COL5A1: variants seen among roughly 807,000 people sequenced by gnomAD.
COL5A1 encodes collagen type V alpha 1 chain.
COL5A1 carries 16 observed loss-of-function variants against 263.7 expected under a neutral mutation model. The ratio of observed to expected loss-of-function variants is 0.06; its 90% CI spans 0.04 to 0.09. COL5A1 has a LOEUF of 0.09. Ranked by LOEUF, COL5A1 falls within the 10% of genes least tolerant of loss-of-function variation. COL5A1 has a pLI of 1.00. For missense variants in COL5A1, 2,036 were observed against 2,540.5 expected (o/e 0.80, Z 4.27); for synonymous variants, 1,012 against 1,004.5 (o/e 1.01, Z -0.14).
At chr9:134,649,996 G>C (rs564566435) in intron 1 of COL5A1, among the ~76,000 whole-genome samples, 9 of 150,564 alleles carry the variant, frequency 6.0e-5, no homozygotes, top group Non-Finnish European at 1.3e-4. Flanking sequence ...GAGAACACAC[G>C]GACACAGGGA....
intron 11 of COL5A1, among the ~76,000 whole-genome samples, chr9:134,743,031 G>A (rs758498223): frequency 6.6e-5 from 10 of 152,270 alleles, no homozygotes; most frequent in Middle Eastern, 6.8e-3. Context: ...GCTTGTGAGC[G>A]CCCCCTACAT....
rs1830133106 is a variant in COL5A1 at position 134,842,381 on chromosome 9, C to A, written c.*78C>A. Reference sequence around the variant, plus strand: ...TCGTTCGTGAGTGTCCCGTGCACGTCCTGACCCTGGACAGTGAAGGCTTCT... The same window carrying A: ...TCGTTCGTGAGTGTCCCGTGCACGTACTGACCCTGGACAGTGAAGGCTTCT... On this transcript the variant is annotated 3_prime_UTR_variant, in exon 66 of 66. Coordinates refer to ENST00000371817, the MANE Select transcript of COL5A1 (RefSeq NM_000093.5). The surrounding 1 kb of genome is among the most constrained non-coding windows in gnomAD (Gnocchi z 5.8). 1 of 1,557,124 alleles carries A rather than the reference C, an allele frequency of 6.4e-7. No homozygotes were observed. The highest frequency in any genetic ancestry group is 1.4e-5 in the African/African-American group (1 of 74,010).
chr9:134,813,867 C>G, intron 48 of COL5A1, 116 bp from the exon 49 acceptor site: 1 of 1,133,426 alleles, frequency 8.8e-7, no homozygotes, highest in Non-Finnish European at 1.3e-6. Context: ...ACCCCTGGGT[C>G]CTGGGTGCCC....
chr9:134,795,453 T>G, intron 34 of COL5A1, 138 bp downstream of exon 34: 1 of 747,826 alleles, frequency 1.3e-6, no homozygotes, highest in Non-Finnish European at 2.1e-6. Context: ...TAGGTGTGTT[T>G]AAGAAGCTTG....
At chr9:134,744,637 C>A (rs1032128834) in intron 11 of COL5A1, among the ~76,000 whole-genome samples, 2 of 141,590 alleles carry the variant, frequency 1.4e-5, no homozygotes, top group East Asian at 4.3e-4. Flanking sequence ...ACACACTCAC[C>A]CAGACATGCA....
intron 4 of COL5A1, among the ~76,000 whole-genome samples, chr9:134,714,837 G>C (rs1447858298): frequency 6.2e-5 from 9 of 145,180 alleles, no homozygotes; most frequent in Admixed American, 1.4e-4. Context: ...TGGTGGTGGT[G>C]GTGATGCTGG....
intron 1 of COL5A1, among the ~76,000 whole-genome samples, chr9:134,665,399 G>T (rs1832326224): frequency 6.6e-6 from 1 of 152,188 alleles, no homozygotes; most frequent in Non-Finnish European, 1.5e-5. Context: ...ATTTGCTGAG[G>T]TACACCAATC....
intron 13 of COL5A1, among the ~76,000 whole-genome samples, chr9:134,752,168 C>T (rs1278042843): frequency 6.6e-6 from 1 of 152,294 alleles, no homozygotes; most frequent in Admixed American, 6.5e-5. Flanking sequence ...GAAGCGCCTC[C>T]CATGTGAAAT....
chr9:134,784,953 G>T (rs759186848), intron 29 of COL5A1, 36 bp from the exon 30 acceptor site: 4 of 1,472,806 alleles, frequency 2.7e-6, no homozygotes, highest in Non-Finnish European at 3.8e-6. Context: ...TGTGTGCGGG[G>T]GGTGGTCTTC....
intron 36 of COL5A1, among the ~76,000 whole-genome samples, chr9:134,797,841 T>A (rs1837967907): frequency 6.6e-6 from 1 of 152,126 alleles, no homozygotes; most frequent in South Asian, 2.1e-4. Context: ...CCCACACCCA[T>A]CTAGGTTGGC....
rs755947373 is a variant in COL5A1, at chr9:134,732,072, T to C, written c.1334T>C (p.Ile445Thr). 6.2e-7 allele frequency: 1 copy of C among 1,614,104 alleles called. No individual in the cohort carries two copies. The highest frequency in any genetic ancestry group is 1.3e-5 in the African/African-American group (1 of 75,044). The change falls in exon 9 of 66, where the codon ATT becomes ACT. Residue 445 changes from isoleucine (I) to threonine (T), a missense_variant and splice_region_variant. Around this residue, in one of 3 missense-constraint regions of COL5A1, gnomAD observed 600 missense variants for 634.5 expected, o/e 0.95. Transcript: ENST00000371817. ...CCATCTGCCTTTTATCACCCCCAGATTGGAGGACCTCGGGGCGAGAAAGGC... is the reference window on the plus strand; with the variant it reads ...CCATCTGCCTTTTATCACCCCCAGACTGGAGGACCTCGGGGCGAGAAAGGC... Reference protein sequence around the residue: ...PANQDTIYEGIGGPRGEKGQK... With the variant: ...PANQDTIYEGTGGPRGEKGQK...
At chr9:134,814,461 TG>T (rs1173300739) in intron 49 of COL5A1, among the ~76,000 whole-genome samples, 1 of 152,204 alleles carries the variant, frequency 6.6e-6, no homozygotes, top group African/African-American at 2.4e-5. Context: ...TGGTTCTAGC[TG>T]CTCCCTCCCC....
intron 9 of COL5A1, among the ~76,000 whole-genome samples, chr9:134,736,501 C>A (rs2132651715): frequency 6.6e-6 from 1 of 152,358 alleles, no homozygotes; most frequent in Admixed American, 6.5e-5. Context: ...GACCTAATCA[C>A]CTCCTGAAGA....
Position 134,818,633 on chromosome 9 carries a change from T to C in COL5A1, c.4231-23T>C, listed in dbSNP as rs754338572. On this transcript the variant is annotated intron_variant, in intron 54 of 65. Coordinates refer to ENST00000371817, the MANE Select transcript of COL5A1 (RefSeq NM_000093.5). This position sits in a 1 kb window ranked among gnomAD's most constrained non-coding sequence, Gnocchi z 6.0. Reference sequence around the variant, plus strand: ...CTGGAGCCTAGAGCTCCGGACCTCATTCTGCCCTCCGCCGTCCTGCAGGGA... The same window carrying C: ...CTGGAGCCTAGAGCTCCGGACCTCACTCTGCCCTCCGCCGTCCTGCAGGGA... 5.1e-6 allele frequency: 8 copies of C among 1,579,108 alleles called. No individual in the cohort carries two copies. The highest frequency in any genetic ancestry group is 6.1e-6 in the Non-Finnish European group (7 of 1,155,886).
intron 39 of COL5A1, among the ~76,000 whole-genome samples, chr9:134,803,346 T>A (rs1233036871): frequency 6.6e-6 from 1 of 152,138 alleles, no homozygotes; most frequent in Admixed American, 6.5e-5. Context: ...TAAAAACCCC[T>A]CACCCCAGCC....
intron 9 of COL5A1, among the ~76,000 whole-genome samples, chr9:134,738,236 C>G (rs1357419001): frequency 6.6e-6 from 1 of 152,194 alleles, no homozygotes; most frequent in African/African-American, 2.4e-5. Flanking sequence ...CTTGCGGGAG[C>G]CTGTGTCTGT....
chr9:134,787,163 C>T (rs1837491235), intron 31 of COL5A1, among the ~76,000 whole-genome samples: 2 of 152,236 alleles, frequency 1.3e-5, no homozygotes, highest in South Asian at 2.1e-4. Flanking sequence ...TCTTAATATA[C>T]ATCCCTCTGG....
intron 18 of COL5A1, among the ~76,000 whole-genome samples, chr9:134,759,566 C>A (rs1362310783): frequency 7.0e-6 from 1 of 142,174 alleles, no homozygotes; most frequent in Admixed American, 7.0e-5. Flanking sequence ...TACACACATG[C>A]ACACACCACA....
At chr9:134,830,563 A>G (rs1270200156) in intron 64 of COL5A1, among the ~76,000 whole-genome samples, 5 of 152,010 alleles carry the variant, frequency 3.3e-5, no homozygotes. Context: ...CAGATCCCAG[A>G]CCACTTAAGC....
Sources: gnomAD v4.1 joint callset for allele counts (sites outside exome capture counted in the v4.1 genomes callset) on GRCh38, gnomAD v4.1.1 for gene constraint, gnomAD v4.1.1 regional missense constraint, Gnocchi (gnomAD v3.1) non-coding constraint, MANE v1.5 for transcripts, NCBI Gene and HGNC (gene_info 2026-07-23, HGNC 2026-07-21) for gene names.